CUL2: variants seen among roughly 807,000 people sequenced by gnomAD.
CUL2 encodes the protein cullin 2.
In CUL2, 22 loss-of-function variants were observed where a neutral mutation model predicts 110.2. The observed-to-expected ratio is 0.20, with a 90% confidence interval of 0.14 to 0.28. The LOEUF (loss-of-function observed/expected upper bound fraction) is 0.28, where lower values mean the gene tolerates loss of function less well. CUL2 is among the 10% of genes least tolerant of loss of function. CUL2 has a pLI of 1.00. For missense variants in CUL2, 631 were observed against 905.5 expected, an observed-to-expected ratio of 0.70 and a Z score of 3.89; for synonymous variants, 279 against 293.2, an observed-to-expected ratio of 0.95 and a Z score of 0.49.
At chr10:35,032,108 T>G (rs1220119901) in intron 12 of CUL2, among the ~76,000 whole-genome samples, 1 of 152,174 alleles carries the variant, frequency 6.6e-6, no homozygotes, top group Non-Finnish European at 1.5e-5. Flanking sequence ...TACAAAAATC[T>G]TGTAAGCAAG....
rs2085522995 is a variant in CUL2 at position 35,033,244 on chromosome 10, C to T, written c.1032G>A (p.Leu344=). The part of the protein sequence containing the change: ...NMPTLFVESV[L]EVHGKFVQLI... ...GCTGAACAAATTTACCATGCACTTC[C>T]AAAACTGACTCCACAAATAGTGTTG... The change falls in exon 11 of 21, where the codon TTG becomes TTA. Residue 344 remains leucine (L), a synonymous_variant. Transcript: ENST00000374749. 2 of 1,613,230 alleles carry T rather than the reference C, an allele frequency of 1.2e-6. No homozygotes were observed. Among genetic ancestry groups the T allele is most frequent in the Admixed American group, 1.7e-5 (1 of 59,974 alleles).
At chr10:35,126,887 G>C (rs2087868426), upstream of CUL2, 1 of 152,330 alleles carries the variant, frequency 6.6e-6, no homozygotes. Context: ...GCGGCCGGCA[G>C]GGGGCGGAGT....
At chr10:35,108,155 G>C (rs1284199458) in intron 1 of CUL2, among the ~76,000 whole-genome samples, 1 of 151,890 alleles carries the variant, frequency 6.6e-6, no homozygotes, top group African/African-American at 2.4e-5. Flanking sequence ...ACCTGCCTAA[G>C]TGAGAAGTGA....
chr10:35,112,157 C>T (rs2087531240), intron 1 of CUL2, among the ~76,000 whole-genome samples: 1 of 152,188 alleles, frequency 6.6e-6, no homozygotes, highest in Non-Finnish European at 1.5e-5. Context: ...CCCTTCTGCA[C>T]CCTATGTCTA....
chr10:35,023,601 A>C lies in CUL2; in HGVS notation c.1684+1531T>G, dbSNP rs181886147. The stretch of plus-strand genomic sequence containing the variant: ...TTCTTCTTATACACCACTGGTTGTT[A>C]AAATGAGCCCCTTACTAAAATTACT... On this transcript the variant is annotated intron_variant, in intron 17 of 20. Coordinates refer to ENST00000374749, the MANE Select transcript of CUL2 (RefSeq NM_003591.4). Among the ~76,000 whole-genome samples the C allele has an allele frequency of 4.6e-5, 7 of 152,326 alleles. No individual in the cohort carries two copies. In the East Asian group the frequency reaches 1.3e-3, roughly 29 times the overall value.
intron 11 of CUL2, among the ~76,000 whole-genome samples, chr10:35,032,881 A>C (rs2085512580): frequency 6.6e-6 from 1 of 152,180 alleles, no homozygotes; most frequent in South Asian, 2.1e-4. Flanking sequence ...GCCAAAGAAA[A>C]AAAATCAGTA....
intron 9 of CUL2, 136 bp downstream of exon 9, chr10:35,038,784 A>G (rs1004419802): frequency 9.5e-6 from 5 of 527,964 alleles, no homozygotes; most frequent in Middle Eastern, 5.1e-4. Flanking sequence ...AAAATAAAGT[A>G]TTAATAATCT....
At chr10:35,074,067 G>T in intron 1 of CUL2, 1 of 918,216 alleles carries the variant, frequency 1.1e-6, no homozygotes, top group Non-Finnish European at 1.7e-6. Flanking sequence ...AACATGCTTG[G>T]TGAATACTTA....
At chr10:35,103,319 T>A (rs868856696) in intron 1 of CUL2, among the ~76,000 whole-genome samples, 4 of 114,166 alleles carry the variant, frequency 3.5e-5, no homozygotes, top group African/African-American at 1.1e-4. Flanking sequence ...TTTTTTTTTT[T>A]TTTTTTTTTT....
upstream of CUL2, among the ~76,000 whole-genome samples, chr10:35,091,926 C>T (rs2087212887): frequency 6.6e-6 from 1 of 151,870 alleles, no homozygotes; most frequent in Admixed American, 6.6e-5. Flanking sequence ...CCGTGTCAGG[C>T]CCCCCCTGCT....
chr10:35,045,054 ATAGT>A (rs1173012246), intron 6 of CUL2, among the ~76,000 whole-genome samples, 186 bp from the exon 7 acceptor site: 1 of 152,190 alleles, frequency 6.6e-6, no homozygotes, highest in Non-Finnish European at 1.5e-5. Context: ...AATATTCATG[ATAGT>A]TAATGTATAC....
intron 19 of CUL2, 49 bp downstream of exon 19, chr10:35,013,650 T>TTAC (rs2084958264): frequency 8.3e-7 from 1 of 1,206,914 alleles, no homozygotes; most frequent in African/African-American, 1.5e-5. Context: ...TAAAGTCCAA[T>TTAC]GCTTAAATGT....
At chr10:35,086,719 AAAATAAAT>A (rs144309375) in intron 1 of CUL2, among the ~76,000 whole-genome samples, 4,541 of 152,146 alleles carry the variant, frequency 0.03, 221 homozygotes, top group African/African-American at 0.1. Context: ...ACACCATCTC[AAAATAAAT>A]AAATAAATAA....
intron 1 of CUL2, among the ~76,000 whole-genome samples, chr10:35,106,945 T>C (rs184934200): frequency 7.2e-6 from 1 of 139,674 alleles, no homozygotes; most frequent in East Asian, 2.1e-4. Context: ...GCATTGCCCT[T>C]AACCTGTTTT....
At position 35,121,809 on chromosome 10, in the gene CUL2, C is replaced by CAA. The variant is rs148455667; in HGVS notation, c.-51+4794_-51+4795dup. 8.6e-3 allele frequency among the ~76,000 whole-genome samples: 809 copies of CAA among 94,100 alleles called. 37 individuals carry two copies. The South Asian group carries it at 0.17, about 19-fold the overall frequency. 61.7% of individuals were successfully genotyped at this position (94,100 alleles called of 152,430 possible). A position where few individuals can be genotyped will look rare whatever the true frequency, so the allele number is the denominator to read the frequency against. Reference sequence around the variant, plus strand: ...TAGGTGACAGAGTAAGACCCTGTCTCAAAAAAAAAAAAAAAAATAAAAATT... The same window carrying CAA: ...TAGGTGACAGAGTAAGACCCTGTCTCAAAAAAAAAAAAAAAAAAATAAAAATT... On this transcript the variant is annotated intron_variant, in intron 1 of 5. Transcript: ENST00000685421.
chr10:35,015,471 A>C lies in CUL2; in HGVS notation c.1887+721T>G, dbSNP rs144815058. Among the ~76,000 whole-genome samples the C allele has an allele frequency of 5.3e-4, 80 of 152,292 alleles. No individual in the cohort carries two copies. In the East Asian group the frequency reaches 0.012, roughly 22 times the overall value. On this transcript the variant is annotated intron_variant, in intron 18 of 20. Coordinates refer to ENST00000374749, the MANE Select transcript of CUL2 (RefSeq NM_003591.4). ...GTCAGCAAAATGAATTAATGAGAGA[A>C]ATAAACTGTAGGCTATTAACTTTAC...
intron 1 of CUL2, among the ~76,000 whole-genome samples, chr10:35,076,356 C>A (rs2086817057): frequency 6.6e-6 from 1 of 152,010 alleles, no homozygotes; most frequent in South Asian, 2.1e-4. Context: ...TGGGAATATA[C>A]TAAAAACCAT....
At chr10:35,112,451 C>T (rs548561026) in intron 1 of CUL2, among the ~76,000 whole-genome samples, 3 of 152,318 alleles carry the variant, frequency 2.0e-5, no homozygotes, top group Non-Finnish European at 4.4e-5. Context: ...AAAGGGAACC[C>T]AGACAGAGCA....
intron 1 of CUL2, among the ~76,000 whole-genome samples, chr10:35,074,680 T>C (rs1364507008): frequency 2.0e-5 from 3 of 152,164 alleles, no homozygotes; most frequent in Non-Finnish European, 1.5e-5. Context: ...GAGACAGGGT[T>C]TCACCATGTT....
Sources: allele counts gnomAD v4.1 joint callset (sites outside exome capture counted in the v4.1 genomes callset), GRCh38; gene constraint gnomAD v4.1.1; transcripts MANE v1.5; gene names NCBI Gene and HGNC (gene_info 2026-07-23, HGNC 2026-07-21).